Variants in RSRC1 observed in about 807,000 individuals in gnomAD.
The protein encoded by RSRC1 is arginine and serine rich coiled-coil 1.
A neutral mutation model predicts 49.1 loss-of-function variants in RSRC1; 39 were observed. The observed-to-expected ratio is 0.79, with a 90% CI of 0.61 to 1.04. The LOEUF (loss-of-function observed/expected upper bound fraction) is 1.04, where lower values mean the gene tolerates loss of function less well. RSRC1 is among the 50% of genes least tolerant of loss of function. The pLI is 0.00. For missense variants in RSRC1, 388 were observed against 402.4 expected (o/e 0.96, Z 0.31); for synonymous variants, 143 against 130.8 (o/e 1.09, Z -0.63).
rs568778177 is a variant in RSRC1 at position 158,500,836 on chromosome 3, A to AT, written c.653-36248dup. ...GCTTTTTGTTTTGTTTATCTTTTGTATTTTTTTTGTTTCAATTTCATTTAG... is the reference window on the plus strand; with the variant it reads ...GCTTTTTGTTTTGTTTATCTTTTGTATTTTTTTTTGTTTCAATTTCATTTAG... On this transcript the variant is annotated intron_variant, in intron 7 of 9. Coordinates refer to ENST00000611884, the MANE Select transcript of RSRC1 (RefSeq NM_001271838.2). 7.9e-3 allele frequency among the ~76,000 whole-genome samples: 1,191 copies of AT among 150,898 alleles called. 22 individuals carry two copies. The highest frequency in any genetic ancestry group is 0.027 in the African/African-American group (1,113 of 41,140).
At chr3:158,138,872 G>C (rs1445431283) in intron 3 of RSRC1, among the ~76,000 whole-genome samples, 2 of 152,082 alleles carry the variant, frequency 1.3e-5, no homozygotes, top group Non-Finnish European at 2.9e-5. Context: ...TTAAAAGTAG[G>C]TAAACTGTTG....
chr3:158,361,947 T>A (rs1226570613), intron 6 of RSRC1, among the ~76,000 whole-genome samples: 1 of 152,182 alleles, frequency 6.6e-6, no homozygotes, highest in Non-Finnish European at 1.5e-5. Context: ...GCACACCATT[T>A]ATATTGATGT....
At chr3:158,145,638 C>G (rs1433706272) in intron 3 of RSRC1, among the ~76,000 whole-genome samples, 1 of 152,138 alleles carries the variant, frequency 6.6e-6, no homozygotes, top group Admixed American at 6.5e-5. Context: ...TCCATATGAA[C>G]TTTAAAGTAG....
At chr3:158,337,035 C>A (rs1729941939) in intron 5 of RSRC1, among the ~76,000 whole-genome samples, 1 of 152,114 alleles carries the variant, frequency 6.6e-6, no homozygotes, top group Admixed American at 6.6e-5. Context: ...TGGATAGGAC[C>A]CAAGACAAAG....
intron 4 of RSRC1, among the ~76,000 whole-genome samples, chr3:158,263,414 C>T (rs1725002974): frequency 6.6e-6 from 1 of 152,070 alleles, no homozygotes; most frequent in African/African-American, 2.4e-5. Context: ...TATATTGTTG[C>T]ATTTGCTTTG....
At chr3:158,334,649 T>TTGTGTGGG (rs1729772283) in intron 5 of RSRC1, among the ~76,000 whole-genome samples, 1 of 137,448 alleles carries the variant, frequency 7.3e-6, no homozygotes, top group African/African-American at 2.8e-5. Context: ...CCCAGCTAAT[T>TTGTGTGGG]TGTGTGTGTG....
chr3:158,447,781 AC>A (rs1355999291), intron 6 of RSRC1, among the ~76,000 whole-genome samples: 2 of 151,876 alleles, frequency 1.3e-5, no homozygotes, highest in African/African-American at 4.8e-5. Flanking sequence ...GAAAAGAAAC[AC>A]CCTTTTTAAT....
chr3:158,231,034 A>T (rs191811855), intron 4 of RSRC1, among the ~76,000 whole-genome samples: 2 of 151,310 alleles, frequency 1.3e-5, no homozygotes, highest in African/African-American at 4.9e-5. Flanking sequence ...TTAGAAGCCT[A>T]TTCTCGTGTT....
intron 3 of RSRC1, among the ~76,000 whole-genome samples, chr3:158,170,795 T>C (rs1718838157): frequency 6.6e-6 from 1 of 152,122 alleles, no homozygotes; most frequent in African/African-American, 2.4e-5. Context: ...TTAAATTTTT[T>C]CTTCATTTTT....
At chr3:158,388,662 C>T (rs148787163) in intron 6 of RSRC1, among the ~76,000 whole-genome samples, 273 of 147,390 alleles carry the variant, frequency 1.9e-3, no homozygotes, top group Non-Finnish European at 3.3e-3. Flanking sequence ...TCAGGCTGAA[C>T]GCAGTGGCGA....
At chr3:158,276,007 T>C in intron 4 of RSRC1, 2 of 818,224 alleles carry the variant, frequency 2.4e-6, no homozygotes, top group East Asian at 2.7e-5. Flanking sequence ...GATAGTATTA[T>C]GGAATGGATT....
intron 3 of RSRC1, among the ~76,000 whole-genome samples, chr3:158,151,970 A>G (rs912371773): frequency 2.6e-5 from 4 of 152,264 alleles, no homozygotes; most frequent in African/African-American, 7.2e-5. Flanking sequence ...AGTGTGATAG[A>G]TAAGTTAGAG....
chr3:158,293,937 C>T (rs926163969), intron 4 of RSRC1, among the ~76,000 whole-genome samples: 1 of 151,884 alleles, frequency 6.6e-6, no homozygotes, highest in Non-Finnish European at 1.5e-5. Context: ...CTTTTTCATT[C>T]CGGAAGCTTT....
chr3:158,412,202 T>C (rs546572938), intron 6 of RSRC1, among the ~76,000 whole-genome samples: 2 of 152,260 alleles, frequency 1.3e-5, no homozygotes, highest in East Asian at 1.9e-4. Flanking sequence ...TAAAACACTT[T>C]AGATGTTTGG....
chr3:158,539,204 T>TA lies in RSRC1; in HGVS notation c.759+2013dup, dbSNP rs1472420190. Among the ~76,000 whole-genome samples the TA allele has an allele frequency of 6.6e-6, 1 of 151,932 alleles. No homozygotes were observed. The highest frequency in any genetic ancestry group is 1.5e-5 in the Non-Finnish European group (1 of 67,890). ...CACTTTGATATAAAGTTTGTATCCC[T>TA]AAAAAAAGGCTTTTGTATGCTGGCC... On this transcript the variant is annotated intron_variant, in intron 8 of 9. Coordinates refer to ENST00000611884, the MANE Select transcript of RSRC1 (RefSeq NM_001271838.2). This position sits in a 1 kb window ranked among gnomAD's most constrained non-coding sequence, Gnocchi z 4.1.
At position 158,227,491 on chromosome 3, in the gene RSRC1, A is replaced by T. The variant is rs536234354; in HGVS notation, c.494+24246A>T. 4.6e-5 allele frequency among the ~76,000 whole-genome samples: 7 copies of T among 151,860 alleles called. No homozygotes were observed. In the South Asian group the frequency reaches 1.5e-3, roughly 32 times the overall value. ...TTGATTTTTGTTATTGACTATATAA[A>T]CCTTTGTGCAAAGGAAATCTTATTG... On this transcript the variant is annotated intron_variant, in intron 4 of 9. Transcript: ENST00000611884.
chr3:158,475,525 C>A (rs984797043), intron 7 of RSRC1, among the ~76,000 whole-genome samples: 5 of 152,114 alleles, frequency 3.3e-5, no homozygotes, highest in Non-Finnish European at 7.4e-5. Context: ...CATTTCATAT[C>A]TCTTTGTCAC....
At chr3:158,284,354 T>C (rs9814827) in intron 4 of RSRC1, among the ~76,000 whole-genome samples, 87,036 of 144,006 alleles carry the variant, frequency 0.6, 26,845 homozygotes, top group East Asian at 0.72. Context: ...AATAAACATA[T>C]GTGTGCATGT....
intron 4 of RSRC1, among the ~76,000 whole-genome samples, chr3:158,288,263 G>T (rs570228654): frequency 1.4e-4 from 21 of 152,192 alleles, no homozygotes; most frequent in African/African-American, 5.1e-4. Flanking sequence ...AATCCTTCAG[G>T]ATCTAGCTAT....
Sources: allele counts gnomAD v4.1 joint callset (sites outside exome capture counted in the v4.1 genomes callset), GRCh38; gene constraint gnomAD v4.1.1; non-coding constraint Gnocchi (gnomAD v3.1); transcripts MANE v1.5; gene names NCBI Gene and HGNC (gene_info 2026-07-23, HGNC 2026-07-21).